Variants in CNTNAP2 observed in about 807,000 individuals in gnomAD.
CNTNAP2 encodes the protein contactin associated protein 2.
Under a neutral mutation model 155.2 loss-of-function variants are expected in CNTNAP2, and 98 were observed. The ratio of observed to expected loss-of-function variants is 0.63; its 90% CI spans 0.54 to 0.75. The LOEUF is 0.75. Ranked by LOEUF, CNTNAP2 falls within the 30% of genes least tolerant of loss-of-function variation. The pLI, the probability that CNTNAP2 is intolerant of heterozygous loss-of-function variation, is 0.00. For synonymous variants in CNTNAP2, 651 were observed against 631.2 expected, an observed-to-expected ratio of 1.03 and a Z score of -0.47; for missense variants, 1,727 against 1,688.1, an observed-to-expected ratio of 1.02 and a Z score of -0.40.
chr7:146,493,303 CA>C (rs1253424599), intron 1 of CNTNAP2, among the ~76,000 whole-genome samples: 1 of 151,840 alleles, frequency 6.6e-6, no homozygotes, highest in Non-Finnish European at 1.5e-5. Context: ...AGCATGGCTT[CA>C]AAAAAATCTA....
chr7:147,746,268 G>T (rs1797041674), intron 13 of CNTNAP2, among the ~76,000 whole-genome samples: 1 of 152,146 alleles, frequency 6.6e-6, no homozygotes, highest in African/African-American at 2.4e-5. Context: ...CTGATTGAAA[G>T]ATACCAGATT....
chr7:146,271,198 A>C (rs1199332206), intron 1 of CNTNAP2, among the ~76,000 whole-genome samples: 2 of 152,098 alleles, frequency 1.3e-5, no homozygotes, highest in African/African-American at 4.8e-5. Flanking sequence ...GTATTTAGTC[A>C]TCAAGACCAA....
chr7:148,237,290 A>G (rs187787990), intron 20 of CNTNAP2, among the ~76,000 whole-genome samples: 1 of 152,220 alleles, frequency 6.6e-6, no homozygotes, highest in Non-Finnish European at 1.5e-5. Flanking sequence ...CGTAAGCAAT[A>G]TATAAATAGG....
Position 148,416,589 on chromosome 7 carries a change from G to A in CNTNAP2, c.*973G>A, listed in dbSNP as rs549889101. 19 of 152,630 alleles carry A rather than the reference G, an allele frequency of 1.2e-4. 1 individual carries two copies. In the South Asian group the frequency reaches 1.9e-3, roughly 15 times the overall value. 9.5% of individuals were successfully genotyped at this position (152,630 alleles called of 1,614,324 possible). A position where few individuals can be genotyped will look rare whatever the true frequency, so the allele number is the denominator to read the frequency against. ...CTAGTGAATGCATAAATTAGGTTGC[G>A]TTTCTTATTTTGCTTTAAATCTCTG... On this transcript the variant is annotated 3_prime_UTR_variant, in exon 24 of 24. Coordinates refer to ENST00000361727, the MANE Select transcript of CNTNAP2 (RefSeq NM_014141.6).
intron 15 of CNTNAP2, among the ~76,000 whole-genome samples, chr7:148,026,215 G>A (rs539748116): frequency 2.6e-5 from 4 of 152,246 alleles, no homozygotes; most frequent in South Asian, 4.2e-4. Flanking sequence ...TTGGGAGGCC[G>A]AGGCAGGCAG....
intron 13 of CNTNAP2, among the ~76,000 whole-genome samples, chr7:147,871,222 CTTG>C (rs945890832): frequency 8.6e-5 from 13 of 152,040 alleles, no homozygotes; most frequent in African/African-American, 1.7e-4. Flanking sequence ...AACCATGTGA[CTTG>C]TTGTTGTTGC....
chr7:146,173,817 TGTA>T (rs1296491721), intron 1 of CNTNAP2, among the ~76,000 whole-genome samples: 2 of 152,158 alleles, frequency 1.3e-5, no homozygotes, highest in African/African-American at 4.8e-5. Context: ...ACTCCTAACT[TGTA>T]GTAGCATGTA....
intron 20 of CNTNAP2, among the ~76,000 whole-genome samples, chr7:148,252,365 T>C (rs1266267954): frequency 6.6e-6 from 1 of 152,176 alleles, no homozygotes; most frequent in African/African-American, 2.4e-5. Context: ...TCAGGTCACC[T>C]TGAGCCACAA....
rs147598185 is a variant in CNTNAP2 at position 146,777,627 on chromosome 7, G to A, written c.208+3246G>A. Among the ~76,000 whole-genome samples the A allele has an allele frequency of 5.1e-4, 78 of 151,498 alleles. 6 individuals carry two copies. The East Asian group carries it at 0.015, about 29-fold the overall frequency. On this transcript the variant is annotated intron_variant, in intron 2 of 23. Transcript: ENST00000361727. ...TGCCTGGGCTGGAGTGCAGTGGCAT[G>A]ATCTCAGCTCACTACAAGCTCCACC...
At chr7:146,773,060 CTT>C (rs1448900670) in intron 1 of CNTNAP2, among the ~76,000 whole-genome samples, 1 of 152,086 alleles carries the variant, frequency 6.6e-6, no homozygotes, top group African/African-American at 2.4e-5. Flanking sequence ...TATCAGAAGA[CTT>C]AGCCCTCCAT....
chr7:147,852,174 C>G (rs1294696560), intron 13 of CNTNAP2, among the ~76,000 whole-genome samples: 2 of 152,156 alleles, frequency 1.3e-5, no homozygotes, highest in Non-Finnish European at 2.9e-5. Flanking sequence ...AACATGAATT[C>G]ATGAATTATG....
chr7:148,307,906 G>A lies in CNTNAP2; in HGVS notation c.3475+40780G>A, dbSNP rs547617428. Among the ~76,000 whole-genome samples the A allele has an allele frequency of 4.6e-5, 7 of 152,274 alleles. No individual in the cohort carries two copies. The East Asian group carries it at 1.4e-3, about 29-fold the overall frequency. ...GAGAATTGCTTGAGCCTGGGAGATG[G>A]AGGTTGCAGTGAGCTGAGATCACAC... On this transcript the variant is annotated intron_variant, in intron 21 of 23. Coordinates refer to ENST00000361727, the MANE Select transcript of CNTNAP2 (RefSeq NM_014141.6).
At chr7:147,149,545 GT>G (rs2129289063) in intron 8 of CNTNAP2, among the ~76,000 whole-genome samples, 1 of 152,264 alleles carries the variant, frequency 6.6e-6, no homozygotes, top group African/African-American at 2.4e-5. Context: ...ATAAACTATG[GT>G]AAGAAATTAG....
intron 8 of CNTNAP2, among the ~76,000 whole-genome samples, chr7:147,260,944 AAT>A (rs1390705896): frequency 7.2e-5 from 11 of 152,318 alleles, no homozygotes; most frequent in South Asian, 6.2e-4. Flanking sequence ...TCAGCGTTAT[AAT>A]ATGTTTTCCA....
At chr7:146,518,440 A>AT in intron 1 of CNTNAP2, among the ~76,000 whole-genome samples, 1 of 152,000 alleles carries the variant, frequency 6.6e-6, no homozygotes, top group African/African-American at 2.4e-5. Context: ...TAGGCTGTTC[A>AT]TTTTTATGCT....
At chr7:148,156,755 T>C (rs1053184200) in intron 17 of CNTNAP2, among the ~76,000 whole-genome samples, 1 of 152,148 alleles carries the variant, frequency 6.6e-6, no homozygotes, top group Non-Finnish European at 1.5e-5. Flanking sequence ...AATTTGTTCC[T>C]CCAAAAGCCC....
At chr7:147,194,730 T>C (rs531901633) in intron 8 of CNTNAP2, among the ~76,000 whole-genome samples, 65 of 152,324 alleles carry the variant, frequency 4.3e-4, no homozygotes, top group Middle Eastern at 3.4e-3. Flanking sequence ...GTTTGAGAAG[T>C]GTCTGTTCAT....
intron 2 of CNTNAP2, among the ~76,000 whole-genome samples, chr7:146,822,285 C>T (rs1385118139): frequency 6.6e-6 from 1 of 151,866 alleles, no homozygotes; most frequent in African/African-American, 2.4e-5. Flanking sequence ...ATCACATGGA[C>T]ACAGGAAGGG....
At chr7:147,669,957 CTG>C (rs993847585) in intron 13 of CNTNAP2, among the ~76,000 whole-genome samples, 1 of 152,180 alleles carries the variant, frequency 6.6e-6, no homozygotes, top group Non-Finnish European at 1.5e-5. Context: ...TCTGCTTTCT[CTG>C]TACTCTTCTA....
Sources: allele counts gnomAD v4.1 joint callset (sites outside exome capture counted in the v4.1 genomes callset), GRCh38; gene constraint gnomAD v4.1.1; transcripts MANE v1.5; gene names NCBI Gene and HGNC (gene_info 2026-07-23, HGNC 2026-07-21).